The following SNRPD1 variants were observed in gnomAD, a reference collection of about 807,000 sequenced individuals.
SNRPD1 encodes small nuclear ribonucleoprotein Sm D1.
SNRPD1 carries 1 observed loss-of-function variant against 14.4 expected under a neutral mutation model. The observed-to-expected ratio is 0.07, with a 90% CI of 0.02 to 0.33. SNRPD1 has a LOEUF of 0.33. Ranked by LOEUF, SNRPD1 falls within the 10% of genes least tolerant of loss-of-function variation. SNRPD1 has a pLI of 1.00. For missense variants in SNRPD1, 52 were observed against 146.4 expected (o/e 0.36, Z 3.33); for synonymous variants, 42 against 50.3 (o/e 0.83, Z 0.70).
intron 3 of SNRPD1, among the ~76,000 whole-genome samples, chr18:21,624,571 G>C (rs1014970998): frequency 6.7e-6 from 1 of 150,262 alleles, no homozygotes; most frequent in African/African-American, 2.4e-5. Flanking sequence ...CGTGCCTTTA[G>C]TCCCAGTTAC....
intron 1 of SNRPD1, among the ~76,000 whole-genome samples, chr18:21,617,237 C>T (rs2850559): frequency 0.16 from 25,047 of 151,824 alleles, 2,202 homozygotes; most frequent in Middle Eastern, 0.28. Context: ...AGGCAGATCA[C>T]CTGAGGTCAG....
In SNRPD1 at chr18:21,633,288, A is replaced by G. The variant is rs2039099173; in HGVS notation, c.*4150A>G. 1 of 152,262 alleles carries G rather than the reference A, an allele frequency of 6.6e-6. No homozygotes were observed. The highest frequency in any genetic ancestry group is 2.4e-5 in the African/African-American group (1 of 41,472). The allele number at this position is 152,262 out of a possible 1,614,324, so 9.4% of individuals were successfully genotyped here. A position where few individuals can be genotyped will look rare whatever the true frequency, so the allele number is the denominator to read the frequency against. On this transcript the variant is annotated 3_prime_UTR_variant, in exon 4 of 4. Coordinates refer to ENST00000300413, the MANE Select transcript of SNRPD1 (RefSeq NM_006938.4). ...TTAGTATTTTGAAATAGATTAATGT[A>G]GTCAGCAAACAATTCATGTATTACC... is the stretch of plus-strand genomic sequence containing the variant.
In SNRPD1 at chr18:21,629,345, G is replaced by T; in HGVS notation, c.*207G>T. 2.2e-6 allele frequency: 1 copy of T among 462,712 alleles called. No individual in the cohort carries two copies. The highest frequency in any genetic ancestry group is 4.1e-5 in the South Asian group (1 of 24,508). 28.7% of individuals were successfully genotyped at this position (462,712 alleles called of 1,614,324 possible). A position where few individuals can be genotyped will look rare whatever the true frequency, so the allele number is the denominator to read the frequency against. On this transcript the variant is annotated 3_prime_UTR_variant, in exon 4 of 4. Coordinates refer to ENST00000300413, the MANE Select transcript of SNRPD1 (RefSeq NM_006938.4). ...GGGCAGTTTCATTTTTAGTTGATCA[G>T]GTTTTAAGTTTTTGAACTAAAATTT...
intron 3 of SNRPD1, among the ~76,000 whole-genome samples, chr18:21,625,823 G>A (rs891685633): frequency 6.6e-6 from 1 of 151,962 alleles, no homozygotes. Context: ...TGTTAGCCAA[G>A]CGGTCTCGAT....
chr18:21,625,669 G>A (rs1193778740), intron 3 of SNRPD1, among the ~76,000 whole-genome samples: 1 of 152,056 alleles, frequency 6.6e-6, no homozygotes, highest in Non-Finnish European at 1.5e-5. Flanking sequence ...GGAGTGCAGT[G>A]GCGCGATCTC....
chr18:21,619,456 A>G lies in SNRPD1; in HGVS notation c.15-3269A>G, dbSNP rs558750341. ...CTCGCCCTCCCAAAGTGCTGGGATTACAGGGATGAGCCACCACACCTGGCG... is the reference window on the plus strand; with the variant it reads ...CTCGCCCTCCCAAAGTGCTGGGATTGCAGGGATGAGCCACCACACCTGGCG... On this transcript the variant is annotated intron_variant, in intron 1 of 3. Transcript: ENST00000300413. Among the ~76,000 whole-genome samples, 5 of 148,416 alleles carry G rather than the reference A, an allele frequency of 3.4e-5. No homozygotes were observed. The South Asian group carries it at 1.2e-3, about 35-fold the overall frequency.
At position 21,632,821 on chromosome 18, in the gene SNRPD1, G is replaced by GT. The variant is rs1171292911; in HGVS notation, c.*3691dup. 26 of 151,250 alleles carry GT rather than the reference G, an allele frequency of 1.7e-4. No homozygotes were observed. The East Asian group carries it at 2.9e-3, about 17-fold the overall frequency. The allele number at this position is 151,250 out of a possible 1,614,324, so 9.4% of individuals were successfully genotyped here. On this transcript the variant is annotated 3_prime_UTR_variant, in exon 4 of 4. Coordinates refer to ENST00000300413, the MANE Select transcript of SNRPD1 (RefSeq NM_006938.4). ...AATGAGATGTTACATATGAACTTTA[G>GT]TTTTTTTTCTTTTCTTTTCTTTTCT...
intron 3 of SNRPD1, among the ~76,000 whole-genome samples, chr18:21,627,094 C>T (rs2039045732): frequency 6.6e-6 from 1 of 151,688 alleles, no homozygotes; most frequent in Non-Finnish European, 1.5e-5. Flanking sequence ...AGAGTAAAAC[C>T]CCATCTCTAC....
At position 21,629,813 on chromosome 18, in the gene SNRPD1, T is replaced by C. The variant is rs1352940074; in HGVS notation, c.*675T>C. The C allele has an allele frequency of 6.6e-6, 1 of 152,236 alleles. No homozygotes were observed. Among genetic ancestry groups the C allele is most frequent in the Non-Finnish European group, 1.5e-5 (1 of 68,040 alleles). The allele number at this position is 152,236 out of a possible 1,614,324, so 9.4% of individuals were successfully genotyped here. On this transcript the variant is annotated 3_prime_UTR_variant, in exon 4 of 4. Transcript: ENST00000300413. ...AGGATATATACCCTTCTACTTCACA[T>C]GCACTGAATATGCATTTTATTGCTT...
chr18:21,627,256 C>T (rs1338482180), intron 3 of SNRPD1, among the ~76,000 whole-genome samples: 1 of 151,870 alleles, frequency 6.6e-6, no homozygotes, highest in African/African-American at 2.4e-5. Flanking sequence ...TACAGATATG[C>T]ACCACCAAAC....
At chr18:21,620,426 C>T (rs1434452468) in intron 1 of SNRPD1, among the ~76,000 whole-genome samples, 1 of 152,122 alleles carries the variant, frequency 6.6e-6, no homozygotes, top group African/African-American at 2.4e-5. Context: ...AACCCTTTAA[C>T]TTTTCATCCT....
chr18:21,617,744 T>C (rs1159811041), intron 1 of SNRPD1, among the ~76,000 whole-genome samples: 2 of 152,150 alleles, frequency 1.3e-5, no homozygotes, highest in Non-Finnish European at 2.9e-5. Flanking sequence ...GGTTCATGCT[T>C]GTCATCGTAG....
At position 21,627,434 on chromosome 18, in the gene SNRPD1, G is replaced by GTTT. The variant is rs71178190; in HGVS notation, c.284-1607_284-1605dup. ...TACCTGGTCCATTTTCTTTTCTTGG[G>GTTT]TTTTTTTTTTTTTTTTTTTTTTTGA... On this transcript the variant is annotated intron_variant, in intron 3 of 3. Coordinates refer to ENST00000300413, the MANE Select transcript of SNRPD1 (RefSeq NM_006938.4). Among the ~76,000 whole-genome samples, 183 of 97,350 alleles carry GTTT rather than the reference G, an allele frequency of 1.9e-3. 3 individuals are homozygous for GTTT. The highest frequency in any genetic ancestry group is 4.3e-3 in the African/African-American group (101 of 23,620). 63.9% of individuals were successfully genotyped at this position (97,350 alleles called of 152,430 possible). A position where few individuals can be genotyped will look rare whatever the true frequency, so the allele number is the denominator to read the frequency against.
At chr18:21,619,730 A>G (rs1028354650) in intron 1 of SNRPD1, among the ~76,000 whole-genome samples, 1 of 151,502 alleles carries the variant, frequency 6.6e-6, no homozygotes, top group Non-Finnish European at 1.5e-5. Flanking sequence ...CATTGAGCCA[A>G]GATCATGCCA....
In SNRPD1 at chr18:21,632,839, T is replaced by G. The variant is rs888166450; in HGVS notation, c.*3701T>G. On this transcript the variant is annotated 3_prime_UTR_variant, in exon 4 of 4. Transcript: ENST00000300413. ...AACTTTAGTTTTTTTTCTTTTCTTT[T>G]CTTTTCTTTTCTTTTCTTTTTTTTT... The G allele has an allele frequency of 6.6e-6, 1 of 152,088 alleles. No homozygotes were observed. 9.4% of individuals were successfully genotyped at this position (152,088 alleles called of 1,614,324 possible).
intron 3 of SNRPD1, among the ~76,000 whole-genome samples, chr18:21,626,453 C>T (rs1042847295): frequency 2.0e-5 from 3 of 148,038 alleles, no homozygotes; most frequent in Admixed American, 6.8e-5. Context: ...AATGAGTCTT[C>T]GTTTCAAGTT....
rs568885322 is a variant in SNRPD1 at position 21,624,038 on chromosome 18, T to G, written c.283+99T>G. 5 of 736,308 alleles carry G rather than the reference T, an allele frequency of 6.8e-6. No individual in the cohort carries two copies. In the East Asian group the frequency reaches 1.3e-4, roughly 20 times the overall value. 45.6% of individuals were successfully genotyped at this position (736,308 alleles called of 1,614,324 possible). A position where few individuals can be genotyped will look rare whatever the true frequency, so the allele number is the denominator to read the frequency against. On this transcript the variant is annotated intron_variant, in intron 3 of 3. Coordinates refer to ENST00000300413, the MANE Select transcript of SNRPD1 (RefSeq NM_006938.4). ...TTGCAAACAACACAAGTGTCTTTGT[T>G]GTTTAATATTTCCTATAGTATGTAT... is the stretch of plus-strand genomic sequence containing the variant.
chr18:21,615,353 C>T (rs1304342121), intron 1 of SNRPD1, among the ~76,000 whole-genome samples: 1 of 152,144 alleles, frequency 6.6e-6, no homozygotes, highest in Non-Finnish European at 1.5e-5. Flanking sequence ...CAGTGGCTCA[C>T]GTCTGTAATC....
chr18:21,616,461 G>A (rs1341349960), intron 1 of SNRPD1, among the ~76,000 whole-genome samples: 2 of 150,192 alleles, frequency 1.3e-5, no homozygotes, highest in Non-Finnish European at 3.0e-5. Flanking sequence ...AGGTTCAAGC[G>A]ATTCTCCTAC....
Sources: gnomAD v4.1 joint callset for allele counts (sites outside exome capture counted in the v4.1 genomes callset) on GRCh38, gnomAD v4.1.1 for gene constraint, MANE v1.5 for transcripts, NCBI Gene and HGNC (gene_info 2026-07-23, HGNC 2026-07-21) for gene names.